The following PDE2A variants were observed in gnomAD, a reference collection of about 807,000 sequenced individuals.
The protein encoded by PDE2A is cGMP-dependent 3',5'-cyclic phosphodiesterase.
A neutral mutation model predicts 133.6 loss-of-function variants in PDE2A; 53 were observed. The observed-to-expected ratio is 0.40, with a 90% CI of 0.32 to 0.50. The LOEUF (loss-of-function observed/expected upper bound fraction) is 0.50. Ranked by LOEUF, PDE2A falls within the 20% of genes least tolerant of loss-of-function variation. PDE2A has a pLI of 0.73. For missense variants in PDE2A, 796 were observed against 1,232.4 expected (o/e 0.65, Z 5.30); for synonymous variants, 491 against 490.2 (o/e 1.00, Z -0.02).
At chr11:72,646,488 T>C (rs892720208) in intron 1 of PDE2A, among the ~76,000 whole-genome samples, 1 of 152,218 alleles carries the variant, frequency 6.6e-6, no homozygotes, top group Non-Finnish European at 1.5e-5. Context: ...AACCCTGGCC[T>C]ATAGACTCCA....
intron 2 of PDE2A, among the ~76,000 whole-genome samples, chr11:72,621,119 T>G (rs1344359281): frequency 6.6e-6 from 1 of 152,194 alleles, no homozygotes; most frequent in Non-Finnish European, 1.5e-5. Context: ...TAAAATGACC[T>G]GCTGAATGTC....
intron 2 of PDE2A, chr11:72,635,910 C>T (rs1858659594): frequency 9.4e-7 from 1 of 1,059,200 alleles, no homozygotes; most frequent in Non-Finnish European, 1.2e-6. Flanking sequence ...CACTCCCGGC[C>T]CTCTCCATTC....
At chr11:72,659,615 T>C (rs958954046) in intron 1 of PDE2A, among the ~76,000 whole-genome samples, 3 of 152,170 alleles carry the variant, frequency 2.0e-5, no homozygotes, top group Non-Finnish European at 4.4e-5. Context: ...GGAACAAAAG[T>C]GACCCCCTTC....
Position 72,663,747 on chromosome 11 carries a change from GA to G in PDE2A, c.71+10389del, listed in dbSNP as rs1366648539. ...GTCTCAAAAAAAAAAAAAAAAGAAA[GA>G]AAAAAAAGAAAACCAAACAAACAAA... On this transcript the variant is annotated intron_variant, in intron 1 of 30. Coordinates refer to ENST00000334456, the MANE Select transcript of PDE2A (RefSeq NM_002599.5). Among the ~76,000 whole-genome samples the G allele has an allele frequency of 3.4e-5, 5 of 148,678 alleles. No individual in the cohort carries two copies. In the East Asian group the frequency reaches 5.9e-4, roughly 17 times the overall value.
In PDE2A at chr11:72,636,007, T is replaced by C. The variant is rs996058179; in HGVS notation, c.144+6247A>G. The C allele has an allele frequency of 2.5e-5, 31 of 1,258,358 alleles. No individual in the cohort carries two copies. In the African/African-American group the frequency reaches 4.1e-4, roughly 17 times the overall value. 77.9% of individuals were successfully genotyped at this position (1,258,358 alleles called of 1,614,324 possible). A position where few individuals can be genotyped will look rare whatever the true frequency, so the allele number is the denominator to read the frequency against. On this transcript the variant is annotated intron_variant, in intron 2 of 30. Coordinates refer to ENST00000334456, the MANE Select transcript of PDE2A (RefSeq NM_002599.5). ...TGAGCTCCCGAAACTCCCATGCCCT[T>C]CCTGTCTCCCAGTGGCAGCCCCCAG...
At chr11:72,640,314 C>T (rs455631) in intron 2 of PDE2A, among the ~76,000 whole-genome samples, 83,973 of 151,674 alleles carry the variant, frequency 0.55, 24,722 homozygotes, top group Middle Eastern at 0.77. Context: ...TAATGTCACA[C>T]GTTTGTGGGC....
chr11:72,612,275 CCACACACACACACA>C (rs55775130), intron 2 of PDE2A, among the ~76,000 whole-genome samples: 18,689 of 124,154 alleles, frequency 0.15, 1,243 homozygotes, highest in South Asian at 0.22. Flanking sequence ...CACATCACAT[CCACACACACACACA>C]CACACACACA....
In PDE2A at chr11:72,576,956, T is replaced by G; in HGVS notation, c.*428A>C. ...TTCCAAGATGCCACACTCTGCTCAC[T>G]CAGATGTCTCACCTTCCCCTTCCAT... On this transcript the variant is annotated 3_prime_UTR_variant, in exon 31 of 31. Transcript: ENST00000334456. 5.3e-6 allele frequency: 1 copy of G among 190,318 alleles called. No homozygotes were observed. The allele number at this position is 190,318 out of a possible 1,614,324, so 11.8% of individuals were successfully genotyped here.
At chr11:72,634,342 A>G (rs1858575480) in intron 2 of PDE2A, among the ~76,000 whole-genome samples, 1 of 152,168 alleles carries the variant, frequency 6.6e-6, no homozygotes, top group Non-Finnish European at 1.5e-5. Context: ...CGGAGGGATG[A>G]TGGACAGAGG....
intron 1 of PDE2A, among the ~76,000 whole-genome samples, chr11:72,662,079 G>A (rs567330270): frequency 3.3e-5 from 5 of 152,250 alleles, no homozygotes; most frequent in Admixed American, 6.5e-5. Flanking sequence ...GATTGTGTCC[G>A]GGTTTCGGTG....
chr11:72,648,766 C>T (rs531897655), intron 1 of PDE2A, among the ~76,000 whole-genome samples: 1 of 152,242 alleles, frequency 6.6e-6, no homozygotes, highest in African/African-American at 2.4e-5. Context: ...CCTTCCTTTT[C>T]ACAGGCTGCC....
At position 72,666,559 on chromosome 11, in the gene PDE2A, G is replaced by A. The variant is rs1280405381; in HGVS notation, c.71+7578C>T. 2.6e-5 allele frequency among the ~76,000 whole-genome samples: 4 copies of A among 152,052 alleles called. 1 individual carries two copies. The highest frequency in any genetic ancestry group is 4.1e-4 in the South Asian group (2 of 4,828). On this transcript the variant is annotated intron_variant, in intron 1 of 30. Transcript: ENST00000334456. ...CAAGGGTCTCTACCTACAGGAAAGC[G>A]CGACCCAGGAGAAAAAGTATTGAAT... is the stretch of plus-strand genomic sequence containing the variant.
rs570630951 is a variant in PDE2A at position 72,654,669 on chromosome 11, C to T, written c.72-12343G>A. ...TTGGGATTGCTAACACTGTTAGCTG[C>T]ACCTGCCAGCCAGCCCTGGGAGCTC... On this transcript the variant is annotated intron_variant, in intron 1 of 30. Transcript: ENST00000334456. Among the ~76,000 whole-genome samples the T allele has an allele frequency of 8.5e-5, 13 of 152,250 alleles. No homozygotes were observed. The East Asian group carries it at 2.3e-3, about 27-fold the overall frequency.
intron 1 of PDE2A, among the ~76,000 whole-genome samples, chr11:72,671,817 G>A (rs1302725913): frequency 1.3e-5 from 2 of 152,222 alleles, no homozygotes; most frequent in East Asian, 3.9e-4. Context: ...GGCAAGAGAT[G>A]GCTCCATGAT....
chr11:72,578,846 A>C lies in PDE2A; in HGVS notation c.2469+51T>G. 2.5e-6 allele frequency: 3 copies of C among 1,180,606 alleles called. No individual in the cohort carries two copies. The highest frequency in any genetic ancestry group is 3.8e-6 in the Non-Finnish European group (3 of 789,496). The allele number at this position is 1,180,606 out of a possible 1,614,324, so 73.1% of individuals were successfully genotyped here. A position where few individuals can be genotyped will look rare whatever the true frequency, so the allele number is the denominator to read the frequency against. On this transcript the variant is annotated intron_variant, in intron 28 of 30. Transcript: ENST00000334456. This position sits in a 1 kb window ranked among gnomAD's most constrained non-coding sequence, Gnocchi z 4.2. ...GGTATTCAGGCACAGGGGGCACCCA[A>C]AGCTGGGCAGGGTGGGCAGCCTGTG...
intron 4 of PDE2A, among the ~76,000 whole-genome samples, chr11:72,602,337 A>G (rs1856789660): frequency 6.6e-6 from 1 of 152,036 alleles, no homozygotes; most frequent in Non-Finnish European, 1.5e-5. Flanking sequence ...CTCTCCCCAC[A>G]CTGCCCTGAT....
At position 72,581,998 on chromosome 11, in the gene PDE2A, G is replaced by A. The variant is rs1337223588; in HGVS notation, c.1852-51C>T. The A allele has an allele frequency of 2.2e-6, 3 of 1,392,616 alleles. No individual in the cohort carries two copies. In the South Asian group the frequency reaches 3.5e-5, roughly 16 times the overall value. 86.3% of individuals were successfully genotyped at this position (1,392,616 alleles called of 1,614,324 possible). A position where few individuals can be genotyped will look rare whatever the true frequency, so the allele number is the denominator to read the frequency against. ...GAGGGGCTGCCAGTATCAAGACGGG[G>A]CCCTTGCCTGGGTCCTTCTTCAAGC... is the stretch of plus-strand genomic sequence containing the variant. On this transcript the variant is annotated intron_variant, in intron 21 of 30. Transcript: ENST00000334456.
chr11:72,657,952 G>A (rs771869952), intron 1 of PDE2A: 37 of 456,130 alleles, frequency 8.1e-5, no homozygotes, highest in Admixed American at 2.6e-4. Context: ...TGTCCCTCCT[G>A]ATGTCACAGG....
rs1055748482 is a variant in PDE2A, at chr11:72,579,348, G to A, written c.2292C>T (p.Ile764=). ...YQRMLDLMRD[I]ILATDLAHHL... ...GGTGGGCCAGGTCTGTGGCCAAGAT[G>A]ATGTCCCGCATCAGATCCAGCATGC... Residue 764 remains isoleucine, a synonymous_variant, in exon 27 of 31, where the codon ATC becomes ATT. Transcript: ENST00000334456. The A allele has an allele frequency of 5.0e-6, 8 of 1,613,812 alleles. No individual in the cohort carries two copies. Among genetic ancestry groups the A allele is most frequent in the Admixed American group, 1.7e-5 (1 of 60,000 alleles).
Sources: allele counts gnomAD v4.1 joint callset (sites outside exome capture counted in the v4.1 genomes callset), GRCh38; gene constraint gnomAD v4.1.1; non-coding constraint Gnocchi (gnomAD v3.1); transcripts MANE v1.5; gene names NCBI Gene and HGNC (gene_info 2026-07-23, HGNC 2026-07-21).